NRG1: variants seen among roughly 807,000 people sequenced by gnomAD.
The protein encoded by NRG1 is pro-neuregulin-1, membrane-bound isoform.
NRG1 carries 18 observed loss-of-function variants against 63.8 expected under a neutral mutation model. That is an observed-to-expected ratio of 0.28 (90% CI 0.19 to 0.42). The LOEUF is 0.42. Ranked by LOEUF, NRG1 falls within the 10% of genes least tolerant of loss-of-function variation. NRG1 has a pLI of 1.00. For synonymous variants in NRG1, 302 were observed against 301.3 expected (o/e 1.00, Z -0.02); for missense variants, 762 against 814.7 (o/e 0.94, Z 0.79).
At chr8:31,755,024 C>T (rs1816827986) in intron 1 of NRG1, among the ~76,000 whole-genome samples, 1 of 152,030 alleles carries the variant, frequency 6.6e-6, no homozygotes. Flanking sequence ...ACCCAGTGGG[C>T]ACTGCTAGTT....
At chr8:32,570,642 G>C (rs1332139557) in intron 1 of NRG1, among the ~76,000 whole-genome samples, 4 of 152,064 alleles carry the variant, frequency 2.6e-5, no homozygotes, top group Non-Finnish European at 5.9e-5. Flanking sequence ...ATTTTCAAAT[G>C]TATGTAAATA....
chr8:32,676,990 A>G (rs534233794), intron 5 of NRG1, among the ~76,000 whole-genome samples: 15 of 152,314 alleles, frequency 9.8e-5, no homozygotes, highest in Middle Eastern at 6.8e-3. Context: ...AATACATTAT[A>G]TAAAAAGTAA....
intron 1 of NRG1, among the ~76,000 whole-genome samples, chr8:31,780,336 G>A (rs1486158630): frequency 6.6e-6 from 1 of 152,014 alleles, no homozygotes; most frequent in Admixed American, 6.6e-5. Context: ...GCCACATTTT[G>A]GGCTGATCAT....
intron 1 of NRG1, among the ~76,000 whole-genome samples, chr8:31,828,910 C>T (rs931046251): frequency 6.6e-6 from 1 of 152,090 alleles, no homozygotes; most frequent in Non-Finnish European, 1.5e-5. Context: ...TCAACAAATG[C>T]CTATTGAGTG....
At chr8:32,423,974 C>G (rs1817017296) in intron 1 of NRG1, among the ~76,000 whole-genome samples, 1 of 152,086 alleles carries the variant, frequency 6.6e-6, no homozygotes. Context: ...TTGGAAAGTC[C>G]TTATTTGGAA....
chr8:32,365,982 C>T (rs1408435256), intron 1 of NRG1, among the ~76,000 whole-genome samples: 2 of 152,054 alleles, frequency 1.3e-5, no homozygotes, highest in African/African-American at 4.8e-5. Flanking sequence ...CTGGGTATGA[C>T]ACTAATTTGG....
chr8:32,089,484 T>C (rs1355531358), intron 1 of NRG1, among the ~76,000 whole-genome samples: 1 of 152,200 alleles, frequency 6.6e-6, no homozygotes, highest in Non-Finnish European at 1.5e-5. Flanking sequence ...CTAAAATATT[T>C]TAAGTGCTTA....
intron 5 of NRG1, among the ~76,000 whole-genome samples, chr8:32,652,751 CTT>C (rs139535913): frequency 1.4e-4 from 21 of 151,830 alleles, no homozygotes; most frequent in African/African-American, 4.6e-4. Context: ...ATCTTTTCCT[CTT>C]TTTTTTCTTT....
chr8:32,668,001 G>A (rs1053781133), intron 5 of NRG1, among the ~76,000 whole-genome samples: 2 of 151,970 alleles, frequency 1.3e-5, no homozygotes, highest in African/African-American at 2.4e-5. Flanking sequence ...TCACCTGAGG[G>A]CAGGAGTTGG....
chr8:32,105,838 G>T (rs1831190613), intron 1 of NRG1, among the ~76,000 whole-genome samples: 1 of 152,096 alleles, frequency 6.6e-6, no homozygotes, highest in African/African-American at 2.4e-5. Context: ...TTAAAAAAGT[G>T]ATGGGATATC....
At chr8:31,898,902 A>G (rs531410534) in intron 1 of NRG1, among the ~76,000 whole-genome samples, 1 of 152,088 alleles carries the variant, frequency 6.6e-6, no homozygotes, top group African/African-American at 2.4e-5. Flanking sequence ...TACTCCCAGT[A>G]TGACAGTGAT....
At chr8:32,306,797 T>C (rs1264778162) in intron 1 of NRG1, among the ~76,000 whole-genome samples, 1 of 152,230 alleles carries the variant, frequency 6.6e-6, no homozygotes, top group African/African-American at 2.4e-5. Flanking sequence ...CAAATATTAA[T>C]TAATCGATTG....
chr8:32,468,682 G>A (rs551348042), intron 1 of NRG1, among the ~76,000 whole-genome samples: 3 of 148,042 alleles, frequency 2.0e-5, no homozygotes, highest in Non-Finnish European at 3.0e-5. Flanking sequence ...TCACTAATTA[G>A]TATCTACTTA....
chr8:32,316,369 G>A (rs556612132), intron 1 of NRG1, among the ~76,000 whole-genome samples: 67 of 151,926 alleles, frequency 4.4e-4, no homozygotes, highest in African/African-American at 1.5e-3. Context: ...CCAGCTACTC[G>A]GGAGGCTGAG....
At chr8:32,551,811 C>T (rs1049345831) in intron 1 of NRG1, among the ~76,000 whole-genome samples, 5 of 152,054 alleles carry the variant, frequency 3.3e-5, no homozygotes, top group African/African-American at 4.8e-5. Context: ...CCTGTAACAG[C>T]CTGGGTCTCC....
chr8:32,160,076 T>TG (rs1838659057), intron 1 of NRG1, among the ~76,000 whole-genome samples: 1 of 151,982 alleles, frequency 6.6e-6, no homozygotes, highest in African/African-American at 2.4e-5. Context: ...GAAAGCCTAG[T>TG]GGGGAGAAAT....
chr8:32,221,759 G>A lies in NRG1; in HGVS notation c.38-374069G>A, dbSNP rs534951707. Among the ~76,000 whole-genome samples, 46 of 151,982 alleles carry A rather than the reference G, an allele frequency of 3.0e-4. No individual in the cohort carries two copies. The South Asian group carries it at 7.1e-3, about 23-fold the overall frequency. ...TTGCAGTAGACTAAATGTCGAGCCCGTGAATCTCTTGTGTTGGCATTGTCA... is the reference window on the plus strand; with the variant it reads ...TTGCAGTAGACTAAATGTCGAGCCCATGAATCTCTTGTGTTGGCATTGTCA... On this transcript the variant is annotated intron_variant, in intron 1 of 10. Transcript: ENST00000519301.
intron 1 of NRG1, among the ~76,000 whole-genome samples, chr8:31,800,419 G>C (rs1391382232): frequency 1.3e-5 from 2 of 152,148 alleles, no homozygotes; most frequent in Non-Finnish European, 2.9e-5. Context: ...GTAGTAAGTT[G>C]TACGTGCTTG....
chr8:31,746,755 C>G (rs4521722), intron 1 of NRG1, among the ~76,000 whole-genome samples: 1 of 151,886 alleles, frequency 6.6e-6, no homozygotes, highest in East Asian at 1.9e-4. Flanking sequence ...TGGGATCAAC[C>G]TAAGTGTCCA....
Sources: allele counts gnomAD v4.1 joint callset (sites outside exome capture counted in the v4.1 genomes callset), GRCh38; gene constraint gnomAD v4.1.1; transcripts MANE v1.5; gene names NCBI Gene and HGNC (gene_info 2026-07-23, HGNC 2026-07-21).